Variants in KDM4C observed in about 807,000 individuals in gnomAD.
KDM4C encodes lysine demethylase 4C.
In KDM4C, 81 loss-of-function variants were observed where a neutral mutation model predicts 129.3. The observed-to-expected ratio is 0.63, with a 90% CI of 0.52 to 0.75. KDM4C has a LOEUF of 0.75. Among genes scored for constraint, KDM4C ranks in the 30% least tolerant of loss-of-function variants. KDM4C has a pLI of 0.00. For missense variants in KDM4C, 1,457 were observed against 1,304.0 expected, an observed-to-expected ratio of 1.12 and a Z score of -1.81; for synonymous variants, 573 against 456.1, an observed-to-expected ratio of 1.26 and a Z score of -3.26.
intron 19 of KDM4C, among the ~76,000 whole-genome samples, chr9:7,148,462 G>C (rs150746117): frequency 8.6e-5 from 13 of 151,942 alleles, no homozygotes; most frequent in Non-Finnish European, 1.8e-4. Context: ...AGTAGCAGTG[G>C]AGAACAGGAG....
chr9:6,955,139 G>A (rs889933394), intron 8 of KDM4C, among the ~76,000 whole-genome samples: 2 of 152,178 alleles, frequency 1.3e-5, no homozygotes, highest in Non-Finnish European at 2.9e-5. Context: ...AAGCCTTTGG[G>A]CTTCCAGACT....
intron 12 of KDM4C, among the ~76,000 whole-genome samples, chr9:7,009,000 G>A (rs994892741): frequency 2.0e-5 from 3 of 152,160 alleles, no homozygotes; most frequent in South Asian, 2.1e-4. Flanking sequence ...AGGGAAACAT[G>A]ACACCACTGA....
chr9:7,149,551 C>T (rs7032613), intron 19 of KDM4C, among the ~76,000 whole-genome samples: 8,514 of 152,322 alleles, frequency 0.056, 410 homozygotes, highest in African/African-American at 0.12. Flanking sequence ...GGCCATGCCT[C>T]CCTCGCTGCA....
At position 6,758,997 on chromosome 9, in the gene KDM4C, C is replaced by T. The variant is rs1036788692; in HGVS notation, c.-18+794C>T. On this transcript the variant is annotated intron_variant, in intron 1 of 21. Transcript: ENST00000381309. This position sits in a 1 kb window ranked among gnomAD's most constrained non-coding sequence, Gnocchi z 4.6. ...CGCGTGGACTTGATGCTGGGCTCCC[C>T]CTTTGCTGCGCGGTGCAAGCCTGCG... Among the ~76,000 whole-genome samples the T allele has an allele frequency of 2.0e-5, 3 of 151,250 alleles. No individual in the cohort carries two copies. Among genetic ancestry groups the T allele is most frequent in the South Asian group, 2.1e-4 (1 of 4,766 alleles).
At chr9:6,764,689 AATTT>A (rs1231453291) in intron 1 of KDM4C, among the ~76,000 whole-genome samples, 3 of 152,178 alleles carry the variant, frequency 2.0e-5, no homozygotes, top group Non-Finnish European at 2.9e-5. Context: ...TAAAGCCTCA[AATTT>A]ATTCTGGATT....
At chr9:6,833,624 G>A (rs1835314834) in intron 4 of KDM4C, among the ~76,000 whole-genome samples, 1 of 152,152 alleles carries the variant, frequency 6.6e-6, no homozygotes, top group East Asian at 1.9e-4. Context: ...AATAGTTGAT[G>A]GTAGTGTTTA....
intron 8 of KDM4C, among the ~76,000 whole-genome samples, chr9:6,896,381 A>G (rs1042991170): frequency 2.0e-5 from 3 of 152,094 alleles, no homozygotes; most frequent in African/African-American, 4.8e-5. Context: ...CTGATAAATT[A>G]TTTGTTGTAC....
At chr9:7,142,853 C>CTGTGTGTG (rs59576344) in intron 19 of KDM4C, among the ~76,000 whole-genome samples, 2 of 150,136 alleles carry the variant, frequency 1.3e-5, no homozygotes, top group Admixed American at 6.6e-5. Flanking sequence ...CTCATACAGG[C>CTGTGTGTG]TGTGTGTGTG....
At chr9:7,002,682 A>G (rs1444175377) in intron 12 of KDM4C, among the ~76,000 whole-genome samples, 2 of 152,118 alleles carry the variant, frequency 1.3e-5, no homozygotes, top group Non-Finnish European at 2.9e-5. Flanking sequence ...GTTTCCTCCT[A>G]TTTGTTGTAC....
chr9:6,924,664 G>T (rs560846080), intron 8 of KDM4C: 1 of 629,712 alleles, frequency 1.6e-6, no homozygotes, highest in South Asian at 7.1e-5. Context: ...AACGTTGAAT[G>T]TTACACTTGT....
At chr9:7,145,756 T>G (rs1842165245) in intron 19 of KDM4C, among the ~76,000 whole-genome samples, 2 of 152,264 alleles carry the variant, frequency 1.3e-5, no homozygotes, top group African/African-American at 4.8e-5. Flanking sequence ...TCGCTTAAGT[T>G]TCTTAACATG....
chr9:6,778,473 A>G (rs932153783), intron 1 of KDM4C, among the ~76,000 whole-genome samples: 7 of 151,834 alleles, frequency 4.6e-5, no homozygotes, highest in African/African-American at 1.7e-4. Flanking sequence ...AAAGTTTATC[A>G]GATTTTTCCA....
chr9:6,829,090 A>C (rs1265719203), intron 4 of KDM4C, among the ~76,000 whole-genome samples: 1 of 152,234 alleles, frequency 6.6e-6, no homozygotes, highest in East Asian at 1.9e-4. Flanking sequence ...GGCCAGTGCA[A>C]GGAGCTTACT....
intron 8 of KDM4C, among the ~76,000 whole-genome samples, chr9:6,938,266 A>G (rs953786350): frequency 2.0e-5 from 3 of 152,118 alleles, no homozygotes; most frequent in African/African-American, 7.2e-5. Flanking sequence ...TGCAATATGT[A>G]TTTGTTAAAT....
At chr9:6,856,907 G>C (rs930378304) in intron 5 of KDM4C, among the ~76,000 whole-genome samples, 1 of 151,794 alleles carries the variant, frequency 6.6e-6, no homozygotes, top group Admixed American at 6.6e-5. Context: ...ACAGGCGCCC[G>C]CCACCGCGCC....
chr9:6,964,781 CAAAAAAAAA>C (rs369795659), intron 8 of KDM4C, among the ~76,000 whole-genome samples: 9 of 53,850 alleles, frequency 1.7e-4, no homozygotes, highest in Admixed American at 7.0e-4. Context: ...GACTCCGTCT[CAAAAAAAAA>C]AAAAAAAAAA....
chr9:6,959,569 G>C (rs1213986062), intron 8 of KDM4C, among the ~76,000 whole-genome samples: 1 of 152,154 alleles, frequency 6.6e-6, no homozygotes, highest in Non-Finnish European at 1.5e-5. Flanking sequence ...TTTTACACTG[G>C]TAAAATTTAC....
chr9:6,936,503 A>G (rs1042046332), intron 8 of KDM4C, among the ~76,000 whole-genome samples: 1 of 152,178 alleles, frequency 6.6e-6, no homozygotes, highest in Admixed American at 6.5e-5. Context: ...GTCACTTTTG[A>G]TGGTCCAGTA....
chr9:7,161,853 C>G (rs1268913060), intron 19 of KDM4C, among the ~76,000 whole-genome samples: 2 of 152,228 alleles, frequency 1.3e-5, no homozygotes, highest in African/African-American at 4.8e-5. Flanking sequence ...CTTCTAGTCT[C>G]ATTCTTGTTT....
Sources: allele counts gnomAD v4.1 joint callset (sites outside exome capture counted in the v4.1 genomes callset), GRCh38; gene constraint gnomAD v4.1.1; non-coding constraint Gnocchi (gnomAD v3.1); transcripts MANE v1.5; gene names NCBI Gene and HGNC (gene_info 2026-07-23, HGNC 2026-07-21).